EFHC2: variants seen among roughly 807,000 people sequenced by gnomAD.
EFHC2 encodes EF-hand domain containing 2.
Under a neutral mutation model 52.7 loss-of-function variants are expected in EFHC2, and 18 were observed. That is an observed-to-expected ratio of 0.34 (90% CI 0.24 to 0.51). EFHC2 has a LOEUF of 0.51. Ranked by LOEUF, EFHC2 falls within the 20% of genes least tolerant of loss-of-function variation. EFHC2 has a pLI of 0.97. For synonymous variants in EFHC2, 203 were observed against 204.1 expected (o/e 0.99, Z 0.04); for missense variants, 513 against 562.5 (o/e 0.91, Z 0.89).
At chrX:44,292,138 G>A (rs2037796541) in intron 2 of EFHC2, among the ~76,000 whole-genome samples, 1 of 110,968 alleles carries the variant, frequency 9.0e-6, no homozygotes, top group Non-Finnish European at 1.9e-5. Flanking sequence ...ATATATGTGT[G>A]TTTTTTTGTG....
At chrX:44,247,740 C>T in intron 7 of EFHC2, among the ~76,000 whole-genome samples, 1 of 111,416 alleles carries the variant, frequency 9.0e-6, no homozygotes, top group Non-Finnish European at 1.9e-5. Context: ...ATAGTAGGTG[C>T]TTAATCAATC....
At chrX:44,208,188 C>T (rs2037063339) in intron 11 of EFHC2, among the ~76,000 whole-genome samples, 2 of 112,092 alleles carry the variant, frequency 1.8e-5, no homozygotes, top group Non-Finnish European at 3.8e-5. Context: ...TTTATCCAGT[C>T]CACTGTTGAT....
intron 11 of EFHC2, among the ~76,000 whole-genome samples, chrX:44,187,704 C>A (rs1480965047): frequency 1.8e-5 from 2 of 110,977 alleles, no homozygotes; most frequent in African/African-American, 3.3e-5. Context: ...GCAGGAGAAT[C>A]GCTTGAGTCC....
At chrX:44,170,763 C>G (rs972669475) in intron 13 of EFHC2, among the ~76,000 whole-genome samples, 2 of 111,522 alleles carry the variant, frequency 1.8e-5, no homozygotes, top group Non-Finnish European at 3.8e-5. Flanking sequence ...GACATTGGCT[C>G]TTGTTAAAAC....
intron 2 of EFHC2, among the ~76,000 whole-genome samples, chrX:44,280,375 G>A (rs956986703): frequency 2.7e-5 from 3 of 111,520 alleles, no homozygotes; most frequent in Admixed American, 9.5e-5. Flanking sequence ...AAATGCAAGG[G>A]TAGTTCCTTA....
intron 11 of EFHC2, among the ~76,000 whole-genome samples, chrX:44,227,253 G>A (rs768347543): frequency 9.0e-6 from 1 of 111,358 alleles, no homozygotes; most frequent in African/African-American, 3.3e-5. Flanking sequence ...TAAAAGCACT[G>A]AGCAAAGAAT....
intron 14 of EFHC2, among the ~76,000 whole-genome samples, chrX:44,154,702 CCAAAACAAAA>C (rs750933145): frequency 1.8e-5 from 2 of 109,706 alleles, no homozygotes; most frequent in African/African-American, 3.3e-5. Flanking sequence ...AGACCCTGTC[CCAAAACAAAA>C]CAAAACAAAA....
At chrX:44,188,854 G>A (rs1384700724) in intron 11 of EFHC2, among the ~76,000 whole-genome samples, 2 of 110,126 alleles carry the variant, frequency 1.8e-5, no homozygotes, top group Non-Finnish European at 3.8e-5. Flanking sequence ...GCAGTGGATC[G>A]CACCTGTAAT....
At chrX:44,290,799 G>A (rs962397716) in intron 2 of EFHC2, among the ~76,000 whole-genome samples, 2 of 111,835 alleles carry the variant, frequency 1.8e-5, no homozygotes, top group Non-Finnish European at 3.8e-5. Flanking sequence ...TTTGTATGCC[G>A]TTGCCTGTTC....
intron 8 of EFHC2, among the ~76,000 whole-genome samples, chrX:44,238,013 A>G (rs1053496958): frequency 9.9e-5 from 11 of 111,477 alleles, no homozygotes; most frequent in Admixed American, 9.5e-4. Context: ...TCTGAACCCT[A>G]TACTCACACA....
In EFHC2 at chrX:44,272,807, C is replaced by T. The variant is rs1228335436; in HGVS notation, c.261G>A (p.Glu87=). ...QVLSFDAYLE[E]EVLDKSQTNY... is the part of the protein sequence containing the mutation. Reference sequence around the variant, plus strand: ...TGGTTTGGCTTTTATCAAGTACTTCCTCTTCCAAATAGGCATCAAAAGATA... The same window carrying T: ...TGGTTTGGCTTTTATCAAGTACTTCTTCTTCCAAATAGGCATCAAAAGATA... Residue 87 remains glutamate (E), a synonymous_variant, in exon 3 of 15, where the codon GAG becomes GAA. Coordinates refer to ENST00000420999, the MANE Select transcript of EFHC2 (RefSeq NM_025184.4). The T allele has an allele frequency of 2.6e-6, 3 of 1,162,280 alleles. No individual in the cohort carries two copies. The Admixed American group carries it at 7.8e-5, about 30-fold the overall frequency.
rs762208325 is a variant in EFHC2, at chrX:44,152,421, T to C, written c.2149-3525A>G. 1.2e-4 allele frequency among the ~76,000 whole-genome samples: 13 copies of C among 111,752 alleles called. No individual in the cohort carries two copies. The South Asian group carries it at 4.1e-3, about 36-fold the overall frequency. On this transcript the variant is annotated intron_variant, in intron 14 of 14. Transcript: ENST00000420999. Reference sequence around the variant, plus strand: ...CCCTCCAGAGCTGACAAGGATCTATTCAGAAGCAGCTGGCTTTCGTCCTAC... The same window carrying C: ...CCCTCCAGAGCTGACAAGGATCTATCCAGAAGCAGCTGGCTTTCGTCCTAC...
chrX:44,202,320 G>A (rs1170291314), intron 11 of EFHC2, among the ~76,000 whole-genome samples: 2 of 111,457 alleles, frequency 1.8e-5, no homozygotes, highest in Admixed American at 1.9e-4. Context: ...GGCTGAGGCA[G>A]AGAATTGTTT....
chrX:44,320,204 A>C (rs1404513917), intron 1 of EFHC2, among the ~76,000 whole-genome samples: 1 of 112,225 alleles, frequency 8.9e-6, no homozygotes, highest in African/African-American at 3.2e-5. Flanking sequence ...TGGCCTCCCA[A>C]AGTGCTGTGA....
At chrX:44,244,411 G>A (rs929152383) in intron 7 of EFHC2, among the ~76,000 whole-genome samples, 2 of 111,951 alleles carry the variant, frequency 1.8e-5, no homozygotes, top group Non-Finnish European at 3.8e-5. Flanking sequence ...AGCATCCTGC[G>A]TGTTTTAGGT....
chrX:44,222,656 G>A (rs1444618095), intron 11 of EFHC2, among the ~76,000 whole-genome samples: 3 of 111,337 alleles, frequency 2.7e-5, no homozygotes, highest in Non-Finnish European at 5.7e-5. Flanking sequence ...ACATATATTC[G>A]TGTTCCCTGT....
intron 3 of EFHC2, among the ~76,000 whole-genome samples, chrX:44,269,522 T>TGTGA (rs1394259597): frequency 9.0e-6 from 1 of 111,254 alleles, no homozygotes; most frequent in East Asian, 2.8e-4. Context: ...CGCAGTAATG[T>TGTGA]GTGAGTTCTT....
intron 1 of EFHC2, among the ~76,000 whole-genome samples, chrX:44,327,556 G>A (rs1336987855): frequency 9.0e-6 from 1 of 110,839 alleles, no homozygotes; most frequent in African/African-American, 3.3e-5. Flanking sequence ...AATAGTGTGG[G>A]GTTTTTTCCT....
chrX:44,150,153 T>C (rs992662119), intron 14 of EFHC2, among the ~76,000 whole-genome samples: 2 of 112,077 alleles, frequency 1.8e-5, no homozygotes, highest in Non-Finnish European at 3.8e-5. Flanking sequence ...AGGTTCTATA[T>C]CTTTACTAGT....
Sources: allele counts gnomAD v4.1 joint callset (sites outside exome capture counted in the v4.1 genomes callset), GRCh38; gene constraint gnomAD v4.1.1; transcripts MANE v1.5; gene names NCBI Gene and HGNC (gene_info 2026-07-23, HGNC 2026-07-21).